FHIT: variants seen among roughly 807,000 people sequenced by gnomAD.
FHIT encodes the protein fragile histidine triad diadenosine triphosphatase, also known as bis(5'-adenosyl)-triphosphatase.
FHIT carries 19 observed loss-of-function variants against 17.9 expected under a neutral mutation model. The observed-to-expected ratio is 1.06, with a 90% CI of 0.74 to 1.56. FHIT has a LOEUF of 1.56. FHIT is among the 40% of genes most tolerant of loss of function. The probability of loss-of-function intolerance (pLI) is 0.00; values close to 1 mark genes in which losing one functional copy is unlikely to be tolerated. For missense variants in FHIT, 248 were observed against 189.2 expected (o/e 1.31, Z -1.82); for synonymous variants, 81 against 69.7 (o/e 1.16, Z -0.81).
intron 5 of FHIT, among the ~76,000 whole-genome samples, chr3:60,245,534 C>A (rs868346957): frequency 6.6e-6 from 1 of 152,128 alleles, no homozygotes; most frequent in Admixed American, 6.6e-5. Flanking sequence ...CTGAACATTA[C>A]AATTTCATTA....
intron 8 of FHIT, among the ~76,000 whole-genome samples, chr3:59,872,022 G>C (rs1035412465): frequency 6.6e-6 from 1 of 152,206 alleles, no homozygotes; most frequent in African/African-American, 2.4e-5. Context: ...ATGTATCTCA[G>C]ATTAAACTCT....
chr3:60,213,468 G>A lies in FHIT; in HGVS notation c.104-199316C>T, dbSNP rs17062486. On this transcript the variant is annotated intron_variant, in intron 5 of 9. Transcript: ENST00000492590. ...GGCATATTCCTGTGATTCAGACATT[G>A]GACAGACCCAAGTCAAGCTCCCACA... Among the ~76,000 whole-genome samples, 1,088 of 152,276 alleles carry A rather than the reference G, an allele frequency of 7.1e-3. 5 individuals carry two copies. Among genetic ancestry groups the A allele is most frequent in the Non-Finnish European group, 0.012 (836 of 68,026 alleles).
At chr3:60,586,085 T>C (rs1406561696) in intron 4 of FHIT, among the ~76,000 whole-genome samples, 3 of 152,048 alleles carry the variant, frequency 2.0e-5, no homozygotes, top group East Asian at 1.9e-4. Context: ...CAGCTGAGAT[T>C]TGCATATAGG....
rs565190017 is a variant in FHIT at position 60,259,110 on chromosome 3, C to T, written c.104-244958G>A. Among the ~76,000 whole-genome samples the T allele has an allele frequency of 3.3e-5, 5 of 151,646 alleles. No homozygotes were observed. The East Asian group carries it at 5.8e-4, about 18-fold the overall frequency. On this transcript the variant is annotated intron_variant, in intron 5 of 9. Transcript: ENST00000492590. ...TTCCGAAAGATTTTTTTCACCTGTC[C>T]CCATTTAAAATGACTACCAAAGTTA... is the stretch of plus-strand genomic sequence containing the variant.
At chr3:61,049,094 G>A (rs1032027596) in intron 2 of FHIT, among the ~76,000 whole-genome samples, 2 of 151,740 alleles carry the variant, frequency 1.3e-5, no homozygotes, top group Admixed American at 6.6e-5. Flanking sequence ...CCTGCACATT[G>A]GGCACATGTA....
At chr3:60,070,218 T>G (rs143510282) in intron 5 of FHIT, among the ~76,000 whole-genome samples, 32 of 152,272 alleles carry the variant, frequency 2.1e-4, no homozygotes, top group African/African-American at 7.5e-4. Context: ...GACAGTCATA[T>G]TTACAGAAGC....
At chr3:60,782,483 C>T (rs1180422893) in intron 4 of FHIT, among the ~76,000 whole-genome samples, 8 of 152,038 alleles carry the variant, frequency 5.3e-5, no homozygotes, top group African/African-American at 1.9e-4. Context: ...TTAACCCTAT[C>T]TTTTTTGAGA....
intron 5 of FHIT, among the ~76,000 whole-genome samples, chr3:60,440,670 A>C (rs1199137281): frequency 1.3e-5 from 2 of 152,046 alleles, no homozygotes; most frequent in African/African-American, 4.8e-5. Flanking sequence ...AGACTCCCCA[A>C]AGGTAACCAA....
chr3:61,143,469 A>G lies in FHIT; in HGVS notation c.-164+57148T>C, dbSNP rs568601556. On this transcript the variant is annotated intron_variant, in intron 2 of 9. Transcript: ENST00000492590. ...AAACCACTGGTCATTTGGCATTTCTAAACAGTTATGGTGCTGCAGAGGAAA... is the reference window on the plus strand; with the variant it reads ...AAACCACTGGTCATTTGGCATTTCTGAACAGTTATGGTGCTGCAGAGGAAA... 4.1e-4 allele frequency among the ~76,000 whole-genome samples: 63 copies of G among 152,326 alleles called. No individual in the cohort carries two copies. The Middle Eastern group carries it at 0.01, about 25-fold the overall frequency.
intron 8 of FHIT, among the ~76,000 whole-genome samples, chr3:59,767,545 C>T (rs6791049): frequency 0.044 from 6,704 of 152,114 alleles, 207 homozygotes; most frequent in South Asian, 0.071. Flanking sequence ...GAGATGCCCT[C>T]GGTCCAATGT....
intron 5 of FHIT, among the ~76,000 whole-genome samples, chr3:60,315,004 A>C (rs1353671234): frequency 1.3e-5 from 2 of 152,162 alleles, no homozygotes; most frequent in Admixed American, 1.3e-4. Context: ...TTCTCTTCAA[A>C]CACTAGCTTT....
chr3:61,009,606 T>G (rs2031673738), intron 3 of FHIT, among the ~76,000 whole-genome samples: 1 of 152,214 alleles, frequency 6.6e-6, no homozygotes, highest in African/African-American at 2.4e-5. Flanking sequence ...CAAATCAACC[T>G]ACTCAAAGAA....
intron 5 of FHIT, 57 bp downstream of exon 5, chr3:60,536,803 C>G: frequency 6.6e-7 from 1 of 1,523,746 alleles, no homozygotes; most frequent in East Asian, 2.3e-5. Context: ...ATTCATTTGG[C>G]TGGTTAGGCT....
intron 1 of FHIT, among the ~76,000 whole-genome samples, chr3:61,210,067 T>C (rs528742880): frequency 6.6e-6 from 1 of 152,364 alleles, no homozygotes; most frequent in African/African-American, 2.4e-5. Flanking sequence ...TGGAGTTTCC[T>C]GGGGGTCCAC....
intron 5 of FHIT, among the ~76,000 whole-genome samples, chr3:60,258,900 T>C (rs1706154171): frequency 6.6e-6 from 1 of 152,082 alleles, no homozygotes. Context: ...GGATGTTCCC[T>C]TTCTCCAGAT....
At chr3:59,811,097 T>G (rs953301231) in intron 8 of FHIT, among the ~76,000 whole-genome samples, 1 of 152,204 alleles carries the variant, frequency 6.6e-6, no homozygotes, top group Non-Finnish European at 1.5e-5. Context: ...CCTCTCAGTG[T>G]GAAATGAGTT....
chr3:60,373,024 A>C (rs1428079257), intron 5 of FHIT, among the ~76,000 whole-genome samples: 1 of 142,404 alleles, frequency 7.0e-6, no homozygotes, highest in East Asian at 1.9e-4. Flanking sequence ...GATTAAAATC[A>C]TATGAAATTT....
chr3:59,785,930 C>T (rs957339906), intron 8 of FHIT, among the ~76,000 whole-genome samples: 4 of 152,180 alleles, frequency 2.6e-5, no homozygotes, highest in East Asian at 1.9e-4. Context: ...CTATGCGCTC[C>T]GCTAATACCT....
intron 9 of FHIT, chr3:59,750,020 T>C (rs78286961): frequency 0.05 from 11,260 of 223,810 alleles, 414 homozygotes; most frequent in African/African-American, 0.11. Context: ...ACATGTTAGT[T>C]AACTTAAAAA....
Sources: allele counts gnomAD v4.1 joint callset (sites outside exome capture counted in the v4.1 genomes callset), GRCh38; gene constraint gnomAD v4.1.1; transcripts MANE v1.5; gene names NCBI Gene and HGNC (gene_info 2026-07-23, HGNC 2026-07-21).